TERT: variants seen among roughly 807,000 people sequenced by gnomAD.
TERT encodes telomerase reverse transcriptase.
Under a neutral mutation model 104.0 loss-of-function variants are expected in TERT, and 42 were observed. That is an observed-to-expected ratio of 0.40 (90% CI 0.32 to 0.52). The LOEUF (loss-of-function observed/expected upper bound fraction) is 0.52, where lower values mean the gene tolerates loss of function less well. TERT is among the 20% of genes least tolerant of loss of function. The pLI is 0.43. For missense variants in TERT, 1,101 were observed against 1,610.3 expected (o/e 0.68, Z 5.41); for synonymous variants, 781 against 725.6 (o/e 1.08, Z -1.23).
At chr5:1,276,555 A>G (rs1455562049) in intron 6 of TERT, among the ~76,000 whole-genome samples, 2 of 132,412 alleles carry the variant, frequency 1.5e-5, no homozygotes, top group Non-Finnish European at 3.2e-5. Context: ...ATGAAAACCA[A>G]TCCCACCTAC....
In TERT at chr5:1,292,577, A is replaced by T. The variant is rs1751064403; in HGVS notation, c.1573+736T>A. Among the ~76,000 whole-genome samples the T allele has an allele frequency of 6.6e-6, 1 of 152,080 alleles. No individual in the cohort carries two copies. Among genetic ancestry groups the T allele is most frequent in the Non-Finnish European group, 1.5e-5 (1 of 68,024 alleles). On this transcript the variant is annotated intron_variant, in intron 2 of 15. Coordinates refer to ENST00000310581, the MANE Select transcript of TERT (RefSeq NM_198253.3). The surrounding 1 kb of genome is among the most constrained non-coding windows in gnomAD (Gnocchi z 5.5). ...GCCCAGGCTGGAGTACAATGGCACAATCTCAGCTCACTGCAGCCTCCGCCT... is the reference window on the plus strand; with the variant it reads ...GCCCAGGCTGGAGTACAATGGCACATTCTCAGCTCACTGCAGCCTCCGCCT...
At chr5:1,290,739 G>A (rs374743310) in intron 2 of TERT, among the ~76,000 whole-genome samples, 1 of 56,808 alleles carries the variant, frequency 1.8e-5, no homozygotes, top group Non-Finnish European at 3.2e-5. Context: ...CACTCACCCT[G>A]CACGTGACAG....
rs1748304794 is a variant in TERT at position 1,262,522 on chromosome 5, C to A, written c.2843+1882G>T. 6.6e-6 allele frequency among the ~76,000 whole-genome samples: 1 copy of A among 152,204 alleles called. No homozygotes were observed. Among genetic ancestry groups the A allele is most frequent in the Non-Finnish European group, 1.5e-5 (1 of 68,052 alleles). Reference sequence around the variant, plus strand: ...AAGCCTCTGCTGTATACTTCAGACACAGAGGATGTGAGTTCACCCTGAGTA... The same window carrying A: ...AAGCCTCTGCTGTATACTTCAGACAAAGAGGATGTGAGTTCACCCTGAGTA... On this transcript the variant is annotated intron_variant, in intron 11 of 15. Transcript: ENST00000310581. This position sits in a 1 kb window ranked among gnomAD's most constrained non-coding sequence, Gnocchi z 5.6.
chr5:1,280,990 A>ACCGCAGG (rs902835785), intron 3 of TERT, among the ~76,000 whole-genome samples: 4 of 152,126 alleles, frequency 2.6e-5, no homozygotes, highest in Non-Finnish European at 4.4e-5. Context: ...TGGTGCCCTG[A>ACCGCAGG]CCGCAGGCCG....
intron 1 of TERT, 52 bp downstream of exon 1, chr5:1,294,719 T>TC: frequency 6.4e-7 from 1 of 1,572,620 alleles, no homozygotes; most frequent in Non-Finnish European, 8.6e-7. Flanking sequence ...TGTCGCTGGT[T>TC]CCCCCCGGCC....
chr5:1,283,398 G>A (rs1333350629), intron 2 of TERT, among the ~76,000 whole-genome samples: 1 of 142,478 alleles, frequency 7.0e-6, no homozygotes, highest in South Asian at 2.3e-4. Context: ...GCTCACAGCA[G>A]GGCCTGGCGA....
At chr5:1,285,829 A>G (rs1561207818) in intron 2 of TERT, among the ~76,000 whole-genome samples, 4 of 151,838 alleles carry the variant, frequency 2.6e-5, no homozygotes, top group Admixed American at 2.0e-4. Context: ...TGGCCTCCCA[A>G]AGTGCTGGGA....
intron 5 of TERT, 85 bp downstream of exon 5, chr5:1,279,206 A>G: frequency 6.9e-7 from 1 of 1,454,988 alleles, no homozygotes; most frequent in South Asian, 1.3e-5. Flanking sequence ...ACCCAGGAGT[A>G]CCTCCTCCAC....
intron 11 of TERT, 21 bp downstream of exon 11, chr5:1,264,383 C>T: frequency 1.9e-6 from 3 of 1,603,968 alleles, no homozygotes; most frequent in South Asian, 1.1e-5. Flanking sequence ...ACAGGCTCCA[C>T]TTCCGGCCAG....
In TERT at chr5:1,269,056, C is replaced by T. The variant is rs1234962655; in HGVS notation, c.2469-423G>A. Among the ~76,000 whole-genome samples, 1 of 152,054 alleles carries T rather than the reference C, an allele frequency of 6.6e-6. No homozygotes were observed. Among genetic ancestry groups the T allele is most frequent in the African/African-American group, 2.4e-5 (1 of 41,398 alleles). On this transcript the variant is annotated intron_variant, in intron 8 of 15. Transcript: ENST00000310581. This position sits in a 1 kb window ranked among gnomAD's most constrained non-coding sequence, Gnocchi z 9.0. Reference sequence around the variant, plus strand: ...GCCGCTGCGCGCCAACGGATACAACCTTGCCCCTAGTTTCAGCATGACCAA... The same window carrying T: ...GCCGCTGCGCGCCAACGGATACAACTTTGCCCCTAGTTTCAGCATGACCAA...
chr5:1,272,254 C>T lies in TERT; in HGVS notation c.2313G>A (p.Pro771=), dbSNP rs199770141. 123 of 1,612,524 alleles carry T rather than the reference C, an allele frequency of 7.6e-5. 1 individual carries two copies. The highest frequency in any genetic ancestry group is 3.3e-4 in the East Asian group (15 of 44,840). The part of the protein sequence containing the change: ...SHVSTLTDLQ[P]YMRQFVAHLQ... ...GGTGAGCCACGAACTGTCGCATGTACGGCTGGAGGTCTGTCAAGGTAGAGA... is the reference window on the plus strand; with the variant it reads ...GGTGAGCCACGAACTGTCGCATGTATGGCTGGAGGTCTGTCAAGGTAGAGA... Residue 771 remains proline (P), a synonymous_variant, in exon 7 of 16, where the codon CCG becomes CCA. Transcript: ENST00000310581.
In TERT at chr5:1,294,306, G is replaced by A. The variant is rs1478353801; in HGVS notation, c.580C>T (p.Arg194Ter). The change falls in exon 2 of 16, where the codon CGA (arginine) becomes TGA (stop). Residue 194 changes from arginine (R) to a stop codon, truncating the protein, a stop_gained. Coordinates refer to ENST00000310581, the MANE Select transcript of TERT (RefSeq NM_198253.3). LOFTEE classifies it high-confidence loss of function. The part of the protein sequence containing the change: ...ARPPPHASGP[R>*]RRLGCERAWN... ...GCCCGTTCGCATCCCAGACGCCTTC[G>A]GGGTCCACTAGCGTGTGGCGGGGGC... The A allele has an allele frequency of 6.3e-7, 1 of 1,592,652 alleles. No individual in the cohort carries two copies. The highest frequency in any genetic ancestry group is 8.5e-7 in the Non-Finnish European group (1 of 1,175,970).
chr5:1,294,265 G>T lies in TERT; in HGVS notation c.621C>A (p.Val207=). 1 of 1,592,948 alleles carries T rather than the reference G, an allele frequency of 6.3e-7. No individual in the cohort carries two copies. Among genetic ancestry groups the T allele is most frequent in the Admixed American group, 1.7e-5 (1 of 59,196 alleles). Residue 207 remains valine, a synonymous_variant, in exon 2 of 16, where the codon GTC becomes GTA. Coordinates refer to ENST00000310581, the MANE Select transcript of TERT (RefSeq NM_198253.3). ...LGCERAWNHS[V]REAGVPLGLP... is the part of the protein sequence containing the mutation. ...GGCCCAGGGGGACCCCGGCCTCCCTGACGCTATGGTTCCAGGCCCGTTCGC... is the reference window on the plus strand; with the variant it reads ...GGCCCAGGGGGACCCCGGCCTCCCTTACGCTATGGTTCCAGGCCCGTTCGC...
rs1003715343 is a variant in TERT at position 1,272,521 on chromosome 5, G to A, written c.2287-241C>T. Among the ~76,000 whole-genome samples the A allele has an allele frequency of 4.6e-3, 669 of 144,922 alleles. 10 individuals carry two copies. Among genetic ancestry groups the A allele is most frequent in the African/African-American group, 0.018 (624 of 35,522 alleles). On this transcript the variant is annotated intron_variant, in intron 6 of 15. Transcript: ENST00000310581. ...TACCACACATCAGACCCCTGTGACCGATCACCATCCACAGTCACCACATCA... is the reference window on the plus strand; with the variant it reads ...TACCACACATCAGACCCCTGTGACCAATCACCATCCACAGTCACCACATCA...
In TERT at chr5:1,286,437, C is replaced by A. The variant is rs1750492469; in HGVS notation, c.1574-3813G>T. Among the ~76,000 whole-genome samples, 1 of 152,112 alleles carries A rather than the reference C, an allele frequency of 6.6e-6. No homozygotes were observed. ...AACACGGAAAACAATATTAATAATG[C>A]TTAGCTTGTGGGGGTGTCAAGATGC... On this transcript the variant is annotated intron_variant, in intron 2 of 15. Transcript: ENST00000310581. This position sits in a 1 kb window ranked among gnomAD's most constrained non-coding sequence, Gnocchi z 5.3.
rs1251530594 is a variant in TERT, at chr5:1,255,533, T to G, written c.3033-122A>C. The stretch of plus-strand genomic sequence containing the variant: ...GAATGCACATGCATGGGTTTCCTCA[T>G]GGGCACAGGTGCACACACACGGATG... On this transcript the variant is annotated intron_variant, in intron 13 of 15. Coordinates refer to ENST00000310581, the MANE Select transcript of TERT (RefSeq NM_198253.3). This position sits in a 1 kb window ranked among gnomAD's most constrained non-coding sequence, Gnocchi z 6.9. 1.6e-6 allele frequency: 2 copies of G among 1,235,438 alleles called. No individual in the cohort carries two copies. Among genetic ancestry groups the G allele is most frequent in the Admixed American group, 3.7e-5 (2 of 54,594 alleles). The allele number at this position is 1,235,438 out of a possible 1,614,324, so 76.5% of individuals were successfully genotyped here. A position where few individuals can be genotyped will look rare whatever the true frequency, so the allele number is the denominator to read the frequency against.
intron 6 of TERT, 133 bp from the exon 7 acceptor site, chr5:1,272,413 G>A: frequency 1.2e-6 from 1 of 864,890 alleles, no homozygotes; most frequent in Admixed American, 2.0e-5. Context: ...GAGAGCGCCT[G>A]GGAAGCTTCT....
intron 2 of TERT, among the ~76,000 whole-genome samples, chr5:1,283,425 C>T (rs1750200983): frequency 1.4e-5 from 2 of 147,022 alleles, no homozygotes; most frequent in African/African-American, 5.1e-5. Context: ...CCCGGACCTG[C>T]ACCATCCAGA....
At position 1,292,509 on chromosome 5, in the gene TERT, A is replaced by G. The variant is rs1158258086; in HGVS notation, c.1573+804T>C. ...CCCTCTACCCTGTCCTGGCACAATC[A>G]ACGAACACTTTTTTTTTTTAAAGAC... On this transcript the variant is annotated intron_variant, in intron 2 of 15. Coordinates refer to ENST00000310581, the MANE Select transcript of TERT (RefSeq NM_198253.3). The surrounding 1 kb of genome is among the most constrained non-coding windows in gnomAD (Gnocchi z 5.5). Among the ~76,000 whole-genome samples, 1 of 133,546 alleles carries G rather than the reference A, an allele frequency of 7.5e-6. No homozygotes were observed. The highest frequency in any genetic ancestry group is 1.6e-5 in the Non-Finnish European group (1 of 61,512). 87.6% of individuals were successfully genotyped at this position (133,546 alleles called of 152,430 possible).
Sources: gnomAD v4.1 joint callset for allele counts (sites outside exome capture counted in the v4.1 genomes callset) on GRCh38, gnomAD v4.1.1 for gene constraint, Gnocchi (gnomAD v3.1) non-coding constraint, MANE v1.5 for transcripts, NCBI Gene and HGNC (gene_info 2026-07-23, HGNC 2026-07-21) for gene names.